MEAK7: variants seen among roughly 807,000 people sequenced by gnomAD.
The protein encoded by MEAK7 is MTOR-associated protein MEAK7.
MEAK7 carries 68 observed loss-of-function variants against 40.5 expected under a neutral mutation model. The observed-to-expected ratio is 1.68, with a 90% CI of 1.38 to 2.06. The LOEUF (loss-of-function observed/expected upper bound fraction) is 2.06. MEAK7 is among the 30% of genes most tolerant of loss of function. MEAK7 has a pLI of 0.00. For missense variants in MEAK7, 918 were observed against 580.5 expected, an observed-to-expected ratio of 1.58 and a Z score of -5.98; for synonymous variants, 338 against 231.9, an observed-to-expected ratio of 1.46 and a Z score of -4.16.
chr16:84,483,457 A>G (rs1009995957), intron 5 of MEAK7, among the ~76,000 whole-genome samples: 12 of 152,218 alleles, frequency 7.9e-5, no homozygotes, highest in Non-Finnish European at 1.5e-4. Context: ...ACCAGCATAC[A>G]CAACTGTCAC....
intron 2 of MEAK7, 104 bp downstream of exon 2, chr16:84,497,830 C>CATCCATCCCATTACAA: frequency 6.6e-7 from 1 of 1,518,262 alleles, no homozygotes; most frequent in South Asian, 1.2e-5. Context: ...TCAGTGTTGC[C>CATCCATCCCATTACAA]ATCCATCCCA....
chr16:84,484,678 T>A (rs1276110888), intron 5 of MEAK7, among the ~76,000 whole-genome samples: 3 of 152,194 alleles, frequency 2.0e-5, no homozygotes, highest in Non-Finnish European at 1.5e-5. Flanking sequence ...GCATTTGCCT[T>A]CATTGTTTGT....
At chr16:84,492,772 G>A (rs1031027048) in intron 3 of MEAK7, among the ~76,000 whole-genome samples, 1 of 152,166 alleles carries the variant, frequency 6.6e-6, no homozygotes, top group Middle Eastern at 3.4e-3. Context: ...GGTAGAGACA[G>A]GGTTTCACCA....
chr16:84,497,347 G>C, intron 2 of MEAK7: 1 of 1,172,546 alleles, frequency 8.5e-7, no homozygotes, highest in Non-Finnish European at 1.1e-6. Context: ...CTCCCTGCAA[G>C]ATGAGCCTTG....
intron 4 of MEAK7, 178 bp from the exon 5 acceptor site, chr16:84,487,237 A>G: frequency 1.9e-6 from 1 of 533,878 alleles, no homozygotes. Flanking sequence ...GATTTCAAAG[A>G]TTTGGTATGA....
At chr16:84,480,090 G>A in intron 7 of MEAK7, 64 bp from the exon 8 acceptor site, 1 of 1,333,578 alleles carries the variant, frequency 7.5e-7, no homozygotes, top group African/African-American at 1.5e-5. Context: ...GCAGCTTCCT[G>A]CTAGTTTTCC....
chr16:84,501,617 G>A (rs768171682), intron 1 of MEAK7, among the ~76,000 whole-genome samples: 17 of 152,100 alleles, frequency 1.1e-4, no homozygotes, highest in Non-Finnish European at 2.4e-4. Context: ...AGGCTTGGAC[G>A]CAGAGCCAGG....
At chr16:84,492,851 G>C (rs1037127751) in intron 3 of MEAK7, among the ~76,000 whole-genome samples, 1 of 152,130 alleles carries the variant, frequency 6.6e-6, no homozygotes, top group African/African-American at 2.4e-5. Context: ...CAAAGTGCTG[G>C]CATTACAGGC....
chr16:84,481,898 C>T (rs191265710), intron 6 of MEAK7, among the ~76,000 whole-genome samples: 3 of 152,218 alleles, frequency 2.0e-5, no homozygotes, highest in Non-Finnish European at 2.9e-5. Flanking sequence ...CGCGCCACTG[C>T]ACTCCAGCCT....
chr16:84,492,937 A>G (rs1913746831), intron 3 of MEAK7, among the ~76,000 whole-genome samples: 1 of 152,244 alleles, frequency 6.6e-6, no homozygotes, highest in Non-Finnish European at 1.5e-5. Flanking sequence ...ATCAAATTCA[A>G]AATTCAGTCC....
Position 84,482,702 on chromosome 16 carries a change from T to G in MEAK7, c.967A>C (p.Arg323=), listed in dbSNP as rs17852136. The change falls in exon 6 of 8, where the codon AGA becomes CGA. Residue 323 remains arginine (R), a synonymous_variant. Coordinates refer to ENST00000343629, the MANE Select transcript of MEAK7 (RefSeq NM_020947.4). The part of the protein sequence containing the change: ...EVKPQFQGDN[R]CFLFSICPSM... ...GGGCAGATGGAGAACAGGAAGCATC[T>G]GTTGTCCCCTGAAAGTAGCCAGAGA... 3 of 1,614,164 alleles carry G rather than the reference T, an allele frequency of 1.9e-6. No individual in the cohort carries two copies. The highest frequency in any genetic ancestry group is 2.5e-6 in the Non-Finnish European group (3 of 1,180,006).
rs144946324 is a variant in MEAK7, at chr16:84,496,776, C to T, written c.154-863G>A. 3.2e-3 allele frequency among the ~76,000 whole-genome samples: 489 copies of T among 152,244 alleles called. 4 individuals carry two copies. The highest frequency in any genetic ancestry group is 0.011 in the African/African-American group (466 of 41,530). ...ATCAGACTCTCCCACAATCTGCTCCCATCCTGCCTCCAAACTCTCCTGTCT... is the reference window on the plus strand; with the variant it reads ...ATCAGACTCTCCCACAATCTGCTCCTATCCTGCCTCCAAACTCTCCTGTCT... On this transcript the variant is annotated intron_variant, in intron 2 of 7. Transcript: ENST00000343629.
chr16:84,482,570 A>G, intron 6 of MEAK7, 22 bp downstream of exon 6: 1 of 1,613,938 alleles, frequency 6.2e-7, no homozygotes, highest in Non-Finnish European at 8.5e-7. Flanking sequence ...AGGCAAGACC[A>G]CCACGCTCTG....
Position 84,479,970 on chromosome 16 carries a change from C to T in MEAK7, c.1314G>A (p.Glu438=), listed in dbSNP as rs1429679869. The T allele has an allele frequency of 1.9e-6, 3 of 1,609,754 alleles. No homozygotes were observed. The highest frequency in any genetic ancestry group is 2.7e-5 in the African/African-American group (2 of 74,910). Residue 438 remains glutamate, a synonymous_variant, in exon 8 of 8, where the codon GAG becomes GAA. Transcript: ENST00000343629. ...CGCTGTGGCGCGAATGCCCACTGAT[C>T]TCCAGCAGGGCCTGGGCCTCAGGGT... The part of the protein sequence containing the change: ...DADPEAQALL[E]ISGHSRHSEG...
chr16:84,483,589 G>T (rs928691570), intron 5 of MEAK7, among the ~76,000 whole-genome samples: 2 of 152,202 alleles, frequency 1.3e-5, no homozygotes, highest in African/African-American at 4.8e-5. Context: ...AGATAAGAAG[G>T]GGGCACCAAG....
intron 6 of MEAK7, among the ~76,000 whole-genome samples, chr16:84,480,942 G>C (rs779546600): frequency 1.3e-5 from 2 of 152,156 alleles, no homozygotes; most frequent in Non-Finnish European, 2.9e-5. Context: ...CCACCCCATG[G>C]CTCTTTCTCA....
At chr16:84,504,499 C>T in intron 1 of MEAK7, 102 bp downstream of exon 1, 1 of 750,286 alleles carries the variant, frequency 1.3e-6, no homozygotes, top group Non-Finnish European at 1.6e-6. Flanking sequence ...CAGGGAGGGG[C>T]AGGGCCCAGG....
At chr16:84,489,497 G>A in intron 3 of MEAK7, 75 bp from the exon 4 acceptor site, 1 of 1,493,260 alleles carries the variant, frequency 6.7e-7, no homozygotes, top group Non-Finnish European at 9.0e-7. Context: ...ACATGGAGAA[G>A]GGCAATTTTC....
chr16:84,488,253 G>A (rs1014003030), intron 4 of MEAK7: 15 of 152,060 alleles, frequency 9.9e-5, no homozygotes, highest in African/African-American at 3.6e-4. Flanking sequence ...TTACCCATAA[G>A]ACGAATTACT....
Sources: gnomAD v4.1 joint callset for allele counts (sites outside exome capture counted in the v4.1 genomes callset) on GRCh38, gnomAD v4.1.1 for gene constraint, MANE v1.5 for transcripts, NCBI Gene and HGNC (gene_info 2026-07-23, HGNC 2026-07-21) for gene names.